Variants in RPSA2 observed in about 807,000 individuals in gnomAD.
RPSA2 encodes the protein small ribosomal subunit protein uS2B.
chr19:23,859,559 G>A, the RPSA2 span, among the ~76,000 whole-genome samples: 4 of 152,112 alleles, frequency 2.6e-5, no homozygotes, highest in Admixed American at 2.0e-4. Flanking sequence ...ACTGGAAGGT[G>A]GAGGTTGCGG....
At chr19:23,825,347 G>T in the RPSA2 span, among the ~76,000 whole-genome samples, 1 of 152,048 alleles carries the variant, frequency 6.6e-6, no homozygotes, top group African/African-American at 2.4e-5. Flanking sequence ...ATTGTGTTTT[G>T]ATTTTTTAGT....
At chr19:23,767,139 G>A in the RPSA2 span, among the ~76,000 whole-genome samples, 5 of 151,200 alleles carry the variant, frequency 3.3e-5, no homozygotes, top group Admixed American at 3.3e-4. Context: ...ACGGGGTTTC[G>A]CCATGTTGCC....
chr19:23,798,136 ATTC>A, the RPSA2 span, among the ~76,000 whole-genome samples: 1 of 152,156 alleles, frequency 6.6e-6, no homozygotes, highest in South Asian at 2.1e-4. Context: ...GCAAAAGGTT[ATTC>A]TTATTATTTT....
At chr19:23,766,494 C>T in the RPSA2 span, among the ~76,000 whole-genome samples, 1 of 147,656 alleles carries the variant, frequency 6.8e-6, no homozygotes, top group South Asian at 2.1e-4. Context: ...CTCTGTCACC[C>T]AGGCTGGAGG....
At chr19:23,823,929 A>G in the RPSA2 span, 1 of 152,174 alleles carries the variant, frequency 6.6e-6, no homozygotes, top group African/African-American at 2.4e-5. Context: ...TAGACAGCAA[A>G]CCTGTCATCT....
the RPSA2 span, among the ~76,000 whole-genome samples, chr19:23,853,543 C>T: frequency 6.6e-6 from 1 of 152,206 alleles, no homozygotes; most frequent in Non-Finnish European, 1.5e-5. Context: ...ATGGCATTGG[C>T]TGCCATTAAA....
the RPSA2 span, among the ~76,000 whole-genome samples, chr19:23,783,641 C>G: frequency 5.9e-5 from 9 of 151,766 alleles, no homozygotes; most frequent in Non-Finnish European, 1.2e-4. Context: ...GTTATTGTGA[C>G]ATATCACTGA....
the RPSA2 span, among the ~76,000 whole-genome samples, chr19:23,833,792 A>G: frequency 6.6e-6 from 1 of 152,210 alleles, no homozygotes; most frequent in Middle Eastern, 3.4e-3. Flanking sequence ...ATTTACTTTA[A>G]AAAAGCACTA....
the RPSA2 span, among the ~76,000 whole-genome samples, chr19:23,814,312 T>C: frequency 2.0e-5 from 3 of 152,202 alleles, no homozygotes; most frequent in African/African-American, 7.2e-5. Context: ...TCAGTATTGA[T>C]ATTCAGTATG....
chr19:23,777,927 C>T, the RPSA2 span, among the ~76,000 whole-genome samples: 1 of 152,226 alleles, frequency 6.6e-6, no homozygotes, highest in East Asian at 1.9e-4. Context: ...TGAATCTTTT[C>T]ACCTGCCTGG....
At chr19:23,830,508 G>T in the RPSA2 span, among the ~76,000 whole-genome samples, 8 of 152,070 alleles carry the variant, frequency 5.3e-5, no homozygotes, top group Non-Finnish European at 7.4e-5. Context: ...AGAAATTGTG[G>T]TTATATACAT....
At chr19:23,766,403 T>C in the RPSA2 span, among the ~76,000 whole-genome samples, 20 of 151,700 alleles carry the variant, frequency 1.3e-4, no homozygotes, top group Admixed American at 4.6e-4. Flanking sequence ...CCCAATGAGA[T>C]AAAAATGAAC....
chr19:23,766,758 G>T, the RPSA2 span, among the ~76,000 whole-genome samples: 16 of 134,042 alleles, frequency 1.2e-4, no homozygotes, highest in African/African-American at 3.7e-4. Context: ...CGGGCCAAAT[G>T]TTTTTTTTTT....
chr19:23,822,541 G>C, the RPSA2 span, among the ~76,000 whole-genome samples: 2 of 152,160 alleles, frequency 1.3e-5, no homozygotes, highest in African/African-American at 2.4e-5. Context: ...GTAGAAAAAG[G>C]CTGGTAAATA....
the RPSA2 span, among the ~76,000 whole-genome samples, chr19:23,786,514 C>G: frequency 1.3e-5 from 2 of 152,202 alleles, no homozygotes; most frequent in South Asian, 2.1e-4. Context: ...TTATGTGACT[C>G]TCCCAAATGT....
At chr19:23,840,420 A>G in the RPSA2 span, among the ~76,000 whole-genome samples, 1 of 152,222 alleles carries the variant, frequency 6.6e-6, no homozygotes, top group Non-Finnish European at 1.5e-5. Context: ...AGGTGAAGAT[A>G]TAAAACATTC....
the RPSA2 span, among the ~76,000 whole-genome samples, chr19:23,829,745 C>A: frequency 2.0e-5 from 3 of 152,138 alleles, no homozygotes; most frequent in Non-Finnish European, 4.4e-5. Flanking sequence ...TCAAATTTGT[C>A]ATTGATGTTG....
the RPSA2 span, among the ~76,000 whole-genome samples, chr19:23,861,942 G>T: frequency 6.6e-6 from 1 of 151,998 alleles, no homozygotes. Flanking sequence ...ATGTCTCTAT[G>T]GTAGGTAGTC....
the RPSA2 span, among the ~76,000 whole-genome samples, chr19:23,845,568 T>C: frequency 6.6e-6 from 1 of 152,232 alleles, no homozygotes; most frequent in African/African-American, 2.4e-5. Context: ...CTTGGCTCAC[T>C]GCAACCTCTG....
Sources: gnomAD v4.1 joint callset for allele counts (sites outside exome capture counted in the v4.1 genomes callset) on GRCh38, gnomAD v4.1.1 for gene constraint, MANE v1.5 for transcripts, NCBI Gene and HGNC (gene_info 2026-07-23, HGNC 2026-07-21) for gene names.